Variants in GHDC observed in about 807,000 individuals in gnomAD.
GHDC encodes the protein GH3 domain containing.
In GHDC, 39 loss-of-function variants were observed where a neutral mutation model predicts 51.5. That is an observed-to-expected ratio of 0.76 (90% confidence interval 0.59 to 0.99). The LOEUF is 0.99. GHDC is among the 50% of genes least tolerant of loss of function. The pLI is 0.00. For synonymous variants in GHDC, 282 were observed against 305.2 expected, an observed-to-expected ratio of 0.92 and a Z score of 0.79; for missense variants, 610 against 672.8, an observed-to-expected ratio of 0.91 and a Z score of 1.03.
In GHDC at chr17:42,190,337, T is replaced by C. The variant is rs763522296; in HGVS notation, c.1289-67A>G. On this transcript the variant is annotated intron_variant, in intron 8 of 9. Coordinates refer to ENST00000587427, the MANE Select transcript of GHDC (RefSeq NM_032484.5). ...GGCAGCTGCCAAGTCTAGTGTCCTCTGCCCTATCTGTTCTTCCCCACTCTG... is the reference window on the plus strand; with the variant it reads ...GGCAGCTGCCAAGTCTAGTGTCCTCCGCCCTATCTGTTCTTCCCCACTCTG... 5.6e-6 allele frequency: 9 copies of C among 1,613,504 alleles called. No individual in the cohort carries two copies. In the East Asian group the frequency reaches 1.8e-4, roughly 32 times the overall value.
intron 5 of GHDC, 80 bp from the exon 6 acceptor site, chr17:42,191,290 GCCT>G: frequency 7.4e-7 from 1 of 1,345,040 alleles, no homozygotes; most frequent in Non-Finnish European, 9.8e-7. Flanking sequence ...TGGATCCCAG[GCCT>G]GATCCTCTGA....
At chr17:42,190,805 GC>G (rs2079962490) in intron 7 of GHDC, 26 bp downstream of exon 7, 1 of 1,613,802 alleles carries the variant, frequency 6.2e-7, no homozygotes. Flanking sequence ...CACAAGGATG[GC>G]CCTTCAGCTC....
At chr17:42,190,317 C>T (rs867510745) in intron 8 of GHDC, 47 bp from the exon 9 acceptor site, 1 of 1,614,116 alleles carries the variant, frequency 6.2e-7, no homozygotes, top group Non-Finnish European at 8.5e-7. Context: ...GAATGGGCAG[C>T]TGCCAAGTCT....
intron 1 of GHDC, chr17:42,194,139 C>T (rs1214648578): frequency 1.3e-5 from 2 of 151,216 alleles, no homozygotes; most frequent in African/African-American, 4.9e-5. Context: ...CAAGATCGTG[C>T]CACTGCACCC....
rs2079950718 is a variant in GHDC, at chr17:42,189,600, A to G, written c.*103T>C. Reference sequence around the variant, plus strand: ...CTCTCATGGGCAAATGTCAGGTGACACAGAGTCAGAGACCCTGGCCAAGGA... The same window carrying G: ...CTCTCATGGGCAAATGTCAGGTGACGCAGAGTCAGAGACCCTGGCCAAGGA... On this transcript the variant is annotated 3_prime_UTR_variant, in exon 10 of 10. Transcript: ENST00000587427. 1 of 561,404 alleles carries G rather than the reference A, an allele frequency of 1.8e-6. No individual in the cohort carries two copies. The highest frequency in any genetic ancestry group is 3.8e-5 in the Admixed American group (1 of 26,440). The allele number at this position is 561,404 out of a possible 1,614,324, so 34.8% of individuals were successfully genotyped here. A position where few individuals can be genotyped will look rare whatever the true frequency, so the allele number is the denominator to read the frequency against.
rs1222391308 is a variant in GHDC, at chr17:42,190,173, C to T, written c.1374+12G>A. 7 of 1,610,882 alleles carry T rather than the reference C, an allele frequency of 4.3e-6. No homozygotes were observed. The African/African-American group carries it at 8.0e-5, about 18-fold the overall frequency. On this transcript the variant is annotated intron_variant, in intron 9 of 9. Transcript: ENST00000587427. ...GGGGTCTACAGTCAGACCCTGTCCTCGTCTCCTTTACCTTGTCTCGATTTT... is the reference window on the plus strand; with the variant it reads ...GGGGTCTACAGTCAGACCCTGTCCTTGTCTCCTTTACCTTGTCTCGATTTT...
At position 42,192,420 on chromosome 17, in the gene GHDC, G is replaced by A; in HGVS notation, c.710C>T (p.Ala237Val). ...CTCTAGGGCCTCCCGGAGCTCAGCTGCCCGTTCACGGAGAGGCGCTCCAGG... is the reference window on the plus strand; with the variant it reads ...CTCTAGGGCCTCCCGGAGCTCAGCTACCCGTTCACGGAGAGGCGCTCCAGG... ...GNPGAPLRER[A>V]AELREALEQG... Residue 237 changes from alanine to valine, a missense_variant, in exon 5 of 10, where the codon GCA (alanine) becomes GTA (valine). Transcript: ENST00000587427. The A allele has an allele frequency of 6.2e-7, 1 of 1,613,106 alleles. No individual in the cohort carries two copies. The highest frequency in any genetic ancestry group is 1.3e-5 in the African/African-American group (1 of 75,080).
rs1466574299 is a variant in GHDC, at chr17:42,192,323, GCCT to G, written c.804_806del (p.Gly269del). Reference sequence around the variant, plus strand: ...CGAGGGCAGCCACAGCCTCGGCCTGGCCTCCTGCATCCAGAGTCACCACCACCT... The same window carrying G: ...CGAGGGCAGCCACAGCCTCGGCCTGGCCTGCATCCAGAGTCACCACCACCT... On this transcript the variant is annotated inframe_deletion, in exon 5 of 10. Coordinates refer to ENST00000587427, the MANE Select transcript of GHDC (RefSeq NM_032484.5). The G allele has an allele frequency of 6.2e-7, 1 of 1,611,624 alleles. No homozygotes were observed. The highest frequency in any genetic ancestry group is 8.5e-7 in the Non-Finnish European group (1 of 1,178,956).
In GHDC at chr17:42,193,553, A is replaced by C. The variant is rs1567649524; in HGVS notation, c.29T>G (p.Leu10Arg). The change falls in exon 3 of 10, where the codon CTG becomes CGG. Residue 10 changes from leucine (L) to arginine (R), a missense_variant. By Grantham distance (102) the Leu-to-Arg change is moderately radical (BLOSUM62 -2). Transcript: ENST00000587427. ...CAGGGCCAATGTTGGCAGCAGCAGC[A>C]GCAGCAGCAGCAGTGGCCACAGCAG... The part of the protein sequence containing the change: MLLWPLLLL[L>R]LLLPTLALLR... 6.5e-7 allele frequency: 1 copy of C among 1,540,682 alleles called. No homozygotes were observed. The highest frequency in any genetic ancestry group is 1.4e-5 in the African/African-American group (1 of 73,202).
Position 42,190,611 on chromosome 17 carries a change from TG to T in GHDC, c.1288+12del. The T allele has an allele frequency of 6.2e-7, 1 of 1,606,516 alleles. No homozygotes were observed. Among genetic ancestry groups the T allele is most frequent in the South Asian group, 1.1e-5 (1 of 90,686 alleles). ...CTCAAGGATGGTAGGCAGGAGCCGG[TG>T]GGGAGGCTCACCCAGAATGCTGCTC... On this transcript the variant is annotated intron_variant, in intron 8 of 9. Coordinates refer to ENST00000587427, the MANE Select transcript of GHDC (RefSeq NM_032484.5).
rs2079960927 is a variant in GHDC, at chr17:42,190,668, C to T, written c.1244G>A (p.Gly415Glu). The T allele has an allele frequency of 6.2e-7, 1 of 1,613,458 alleles. No individual in the cohort carries two copies. The highest frequency in any genetic ancestry group is 1.3e-5 in the African/African-American group (1 of 74,892). Residue 415 changes from glycine to glutamate, a missense_variant, in exon 8 of 10, where the codon GGG becomes GAG. This residue lies in a region of GHDC where 412 missense variants were observed against 410.4 expected (regional missense o/e 1.00). Transcript: ENST00000587427. The stretch of plus-strand genomic sequence containing the variant: ...ACAGCCATGGTCCAGCAGCTTGGCC[C>T]CCGCCCACTGCCCCACTGCCCGGCC... ...ALGRAVGQWA[G>E]AKLLDHGCVE...
chr17:42,191,281 G>A, intron 5 of GHDC, 71 bp from the exon 6 acceptor site: 1 of 1,397,204 alleles, frequency 7.2e-7, no homozygotes, highest in Non-Finnish European at 9.4e-7. Flanking sequence ...AGCCCCTCCT[G>A]GATCCCAGGC....
chr17:42,189,590 G>A lies in GHDC; in HGVS notation c.*113C>T, dbSNP rs1294218245. On this transcript the variant is annotated 3_prime_UTR_variant, in exon 10 of 10. Coordinates refer to ENST00000587427, the MANE Select transcript of GHDC (RefSeq NM_032484.5). The stretch of plus-strand genomic sequence containing the variant: ...GGCCCAGCGGCTCTCATGGGCAAAT[G>A]TCAGGTGACACAGAGTCAGAGACCC... The A allele has an allele frequency of 1.1e-5, 6 of 546,688 alleles. No individual in the cohort carries two copies. Among genetic ancestry groups the A allele is most frequent in the Non-Finnish European group, 1.8e-5 (6 of 326,744 alleles). 33.9% of individuals were successfully genotyped at this position (546,688 alleles called of 1,614,324 possible).
chr17:42,189,749 C>G lies in GHDC; in HGVS notation c.1547G>C (p.Arg516Pro), dbSNP rs923367594. Residue 516 changes from arginine (R) to proline (P), a missense_variant, in exon 10 of 10, where the codon CGG (arginine) becomes CCG (proline). By Grantham distance (103) the Arg-to-Pro change is moderately radical. Coordinates refer to ENST00000587427, the MANE Select transcript of GHDC (RefSeq NM_032484.5). ...PFPPAMPRVL[R>P]HRHLAQCLQE... ...CAGACACTGGGCCAGGTGCCTGTGC[C>G]GAAGGACCCGGGGCATCGCAGGGGG... 19 of 1,517,324 alleles carry G rather than the reference C, an allele frequency of 1.3e-5. No individual in the cohort carries two copies. Among genetic ancestry groups the G allele is most frequent in the Non-Finnish European group, 1.7e-5 (19 of 1,132,992 alleles). The allele number at this position is 1,517,324 out of a possible 1,614,324, so 94.0% of individuals were successfully genotyped here.
Position 42,189,861 on chromosome 17 carries a change from C to A in GHDC, c.1435G>T (p.Val479Leu). ...ACCAGGTGGACTCTGGCAGGGCCCA[C>A]GCTGCCCCAGAACCGCAGGGACTTG... ...RYKSLRFWGS[V>L]GPARVHLVGQ... The change falls in exon 10 of 10, where the codon GTG becomes TTG. Residue 479 changes from valine to leucine, a missense_variant. Coordinates refer to ENST00000587427, the MANE Select transcript of GHDC (RefSeq NM_032484.5). 1 of 1,561,858 alleles carries A rather than the reference C, an allele frequency of 6.4e-7. No individual in the cohort carries two copies. Among genetic ancestry groups the A allele is most frequent in the Non-Finnish European group, 8.7e-7 (1 of 1,154,082 alleles).
Position 42,191,043 on chromosome 17 carries a change from G to GCAC in GHDC, c.1054_1056dup (p.Val352dup). On this transcript the variant is annotated inframe_insertion, in exon 6 of 10. Coordinates refer to ENST00000587427, the MANE Select transcript of GHDC (RefSeq NM_032484.5). The stretch of plus-strand genomic sequence containing the variant: ...CTGGTGAGGCTGGCGCGGTCCGTCA[G>GCAC]CACCAGCTCATACTCCTTGCCCTGC... 1.3e-6 allele frequency: 2 copies of GCAC among 1,584,046 alleles called. No homozygotes were observed. Among genetic ancestry groups the GCAC allele is most frequent in the Non-Finnish European group, 1.7e-6 (2 of 1,165,956 alleles).
In GHDC at chr17:42,190,615, G is replaced by A. The variant is rs2079960298; in HGVS notation, c.1288+9C>T. Reference sequence around the variant, plus strand: ...AGGATGGTAGGCAGGAGCCGGTGGGGAGGCTCACCCAGAATGCTGCTCTCC... The same window carrying A: ...AGGATGGTAGGCAGGAGCCGGTGGGAAGGCTCACCCAGAATGCTGCTCTCC... On this transcript the variant is annotated intron_variant, in intron 8 of 9. Transcript: ENST00000587427. 4.4e-6 allele frequency: 7 copies of A among 1,608,024 alleles called. No homozygotes were observed. Among genetic ancestry groups the A allele is most frequent in the Non-Finnish European group, 5.9e-6 (7 of 1,178,440 alleles).
At chr17:42,192,764 G>A in intron 4 of GHDC, 22 bp from the exon 5 acceptor site, 1 of 1,532,308 alleles carries the variant, frequency 6.5e-7, no homozygotes, top group Non-Finnish European at 8.7e-7. Flanking sequence ...AAGAGAGAAT[G>A]TTGGTCTGGT....
chr17:42,191,338 C>A, intron 5 of GHDC, 128 bp from the exon 6 acceptor site: 1 of 909,768 alleles, frequency 1.1e-6, no homozygotes, highest in East Asian at 3.3e-5. Context: ...CCACCACATC[C>A]TTCCTGGCTC....
Sources: allele counts gnomAD v4.1 joint callset, GRCh38; gene constraint gnomAD v4.1.1; regional missense constraint gnomAD v4.1.1; transcripts MANE v1.5; gene names NCBI Gene and HGNC (gene_info 2026-07-23, HGNC 2026-07-21).